CELF2: variants seen among roughly 807,000 people sequenced by gnomAD.
CELF2 encodes the protein CUGBP Elav-like family member 2, also known as CUG triplet repeat RNA-binding protein 2.
CELF2 carries 8 observed loss-of-function variants against 62.6 expected under a neutral mutation model. That is an observed-to-expected ratio of 0.13 (90% CI 0.07 to 0.23). The LOEUF (loss-of-function observed/expected upper bound fraction) is 0.23, where lower values mean the gene tolerates loss of function less well. Among genes scored for constraint, CELF2 ranks in the 10% least tolerant of loss-of-function variants. The probability of loss-of-function intolerance (pLI) is 1.00; values close to 1 mark genes in which losing one functional copy is unlikely to be tolerated. For synonymous variants in CELF2, 258 were observed against 250.0 expected (o/e 1.03, Z -0.30); for missense variants, 333 against 671.0 (o/e 0.50, Z 5.56).
intron 1 of CELF2, among the ~76,000 whole-genome samples, chr10:11,124,839 G>A (rs1750730): frequency 0.27 from 40,645 of 152,076 alleles, 6,542 homozygotes; most frequent in East Asian, 0.71. Flanking sequence ...TATGGCTTAT[G>A]GATAGCATAT....
At chr10:10,848,294 C>T (rs895747834) in intron 1 of CELF2, among the ~76,000 whole-genome samples, 12 of 152,120 alleles carry the variant, frequency 7.9e-5, no homozygotes, top group African/African-American at 2.7e-4. Context: ...AGCTATTTTA[C>T]CCATCTAAAG....
the CELF2 span, among the ~76,000 whole-genome samples, chr10:10,554,354 G>T: frequency 5.1e-4 from 78 of 152,240 alleles, no homozygotes; most frequent in Non-Finnish European, 7.4e-4. Context: ...CTGAGCCTTG[G>T]TGGGTCTTTG....
chr10:10,619,338 G>T, the CELF2 span, among the ~76,000 whole-genome samples: 1 of 152,212 alleles, frequency 6.6e-6, no homozygotes, highest in African/African-American at 2.4e-5. Flanking sequence ...GTAGTAGGTA[G>T]TAGTAGGTAT....
At chr10:10,927,356 A>AAC (rs1564832589) in intron 2 of CELF2, 1 of 150,252 alleles carries the variant, frequency 6.7e-6, no homozygotes, top group Non-Finnish European at 1.5e-5. Flanking sequence ...TAAAAAAAAA[A>AAC]AAAAAAAAAA....
chr10:11,170,625 C>T (rs2068566710), intron 2 of CELF2, among the ~76,000 whole-genome samples: 1 of 151,872 alleles, frequency 6.6e-6, no homozygotes, highest in Non-Finnish European at 1.5e-5. Flanking sequence ...TCTCGGAGGT[C>T]TGAAGTAAGG....
rs1016954311 is a variant in CELF2, at chr10:11,131,007, G to A, written c.75-34479G>A. Among the ~76,000 whole-genome samples the A allele has an allele frequency of 1.7e-4, 26 of 152,328 alleles. 1 individual carries two copies. Among genetic ancestry groups the A allele is most frequent in the African/African-American group, 6.0e-4 (25 of 41,572 alleles). Reference sequence around the variant, plus strand: ...TCCAAGGTGAATCCAGCATCCAACTGTTGTTACATACGTTGTGGTTGTTAA... The same window carrying A: ...TCCAAGGTGAATCCAGCATCCAACTATTGTTACATACGTTGTGGTTGTTAA... On this transcript the variant is annotated intron_variant, in intron 1 of 12. Coordinates refer to ENST00000633077, the MANE Select transcript of CELF2 (RefSeq NM_001326342.2).
chr10:10,693,372 G>GGTGGATAAGCTTTTTGATGT, the CELF2 span, among the ~76,000 whole-genome samples: 2 of 138,150 alleles, frequency 1.4e-5, no homozygotes. Flanking sequence ...ACTTGATCAT[G>GGTGGATAAGCTTTTTGATGT]GTGGATAAGC....
chr10:10,767,326 T>C, the CELF2 span, among the ~76,000 whole-genome samples: 2 of 152,104 alleles, frequency 1.3e-5, no homozygotes, highest in Non-Finnish European at 2.9e-5. Flanking sequence ...CCTGTTCCTG[T>C]GCTTATTTAT....
Position 10,959,189 on chromosome 10 carries a change from A to G in CELF2, c.89+39190A>G, listed in dbSNP as rs1167997105. Among the ~76,000 whole-genome samples, 7 of 152,144 alleles carry G rather than the reference A, an allele frequency of 4.6e-5. No individual in the cohort carries two copies. In the South Asian group the frequency reaches 8.3e-4, roughly 18 times the overall value. On this transcript the variant is annotated intron_variant, in intron 2 of 13. Coordinates refer to the CELF2 transcript ENST00000636488. ...TTAGCTACTCAGGAGGCTGAAGCAG[A>G]AGAATCACTTGAACCTGGGAGGCAG...
chr10:11,047,411 G>A (rs531318556), intron 1 of CELF2, among the ~76,000 whole-genome samples: 115 of 152,268 alleles, frequency 7.6e-4, no homozygotes, highest in African/African-American at 2.7e-3. Context: ...AAATAAACAG[G>A]TATCTTTAAT....
chr10:11,079,229 G>A lies in CELF2; in HGVS notation c.74+61066G>A, dbSNP rs556975484. Reference sequence around the variant, plus strand: ...AATGTATAAATTTCATACGTTTTTTGTACTTACCTGAACTAAAGTCCTCTC... The same window carrying A: ...AATGTATAAATTTCATACGTTTTTTATACTTACCTGAACTAAAGTCCTCTC... On this transcript the variant is annotated intron_variant, in intron 1 of 12. Coordinates refer to ENST00000633077, the MANE Select transcript of CELF2 (RefSeq NM_001326342.2). Among the ~76,000 whole-genome samples the A allele has an allele frequency of 2.6e-5, 4 of 152,170 alleles. No individual in the cohort carries two copies. In the South Asian group the frequency reaches 8.3e-4, roughly 31 times the overall value.
At chr10:10,904,042 G>A in intron 1 of CELF2, among the ~76,000 whole-genome samples, 1 of 152,186 alleles carries the variant, frequency 6.6e-6, no homozygotes, top group East Asian at 1.9e-4. Context: ...AGTCCACTGT[G>A]GATCACGCTG....
Position 11,178,650 on chromosome 10 carries a change from C to T in CELF2, c.271+12968C>T, listed in dbSNP as rs537044322. 6.6e-6 allele frequency among the ~76,000 whole-genome samples: 1 copy of T among 152,242 alleles called. No homozygotes were observed. The highest frequency in any genetic ancestry group is 2.4e-5 in the African/African-American group (1 of 41,552). On this transcript the variant is annotated intron_variant, in intron 2 of 12. Coordinates refer to ENST00000633077, the MANE Select transcript of CELF2 (RefSeq NM_001326342.2). The surrounding 1 kb of genome is among the most constrained non-coding windows in gnomAD (Gnocchi z 4.3). ...AATAAATGTGTGACAGCTTAAGAGG[C>T]GAAAAGAAGAGTCTTCGTCAAATGG...
chr10:10,788,460 T>TA, the CELF2 span, among the ~76,000 whole-genome samples: 1 of 126,774 alleles, frequency 7.9e-6, no homozygotes, highest in Non-Finnish European at 1.7e-5. Flanking sequence ...CATCTTTTTT[T>TA]TTTTTTTTTT....
rs1399943148 is a variant in CELF2, at chr10:11,008,104, C to T, written c.53+2664C>T. Among the ~76,000 whole-genome samples the T allele has an allele frequency of 6.6e-6, 1 of 152,158 alleles. No individual in the cohort carries two copies. On this transcript the variant is annotated intron_variant, in intron 1 of 12. Coordinates refer to the CELF2 transcript ENST00000416382. The surrounding 1 kb of genome is among the most constrained non-coding windows in gnomAD (Gnocchi z 4.5). ...TGGCAAACTTGTCTACATCTATTTC[C>T]ACAACAGGAACAGGATACGTAATCT... is the stretch of plus-strand genomic sequence containing the variant.
intron 1 of CELF2, among the ~76,000 whole-genome samples, chr10:10,910,699 CAAAA>C (rs55954207): frequency 6.4e-4 from 59 of 92,224 alleles, no homozygotes; most frequent in African/African-American, 2.2e-3. Flanking sequence ...GACTCTGCCT[CAAAA>C]AAAAAAAAAA....
intron 8 of CELF2, among the ~76,000 whole-genome samples, chr10:11,284,608 A>G (rs1239396668): frequency 2.7e-5 from 4 of 147,438 alleles, no homozygotes; most frequent in South Asian, 4.4e-4. Flanking sequence ...ATGGATAGAT[A>G]GATGGATGGG....
intron 1 of CELF2, among the ~76,000 whole-genome samples, chr10:11,043,505 G>T (rs772221787): frequency 6.6e-6 from 1 of 152,024 alleles, no homozygotes; most frequent in Non-Finnish European, 1.5e-5. Flanking sequence ...TGAATATCCC[G>T]CTCCTGGCTG....
At chr10:10,633,513 A>G in the CELF2 span, among the ~76,000 whole-genome samples, 1 of 152,138 alleles carries the variant, frequency 6.6e-6, no homozygotes, top group African/African-American at 2.4e-5. Context: ...ATATTGATTT[A>G]TAAAGATTTT....
Sources: allele counts gnomAD v4.1 joint callset (sites outside exome capture counted in the v4.1 genomes callset), GRCh38; gene constraint gnomAD v4.1.1; non-coding constraint Gnocchi (gnomAD v3.1); transcripts MANE v1.5; gene names NCBI Gene and HGNC (gene_info 2026-07-23, HGNC 2026-07-21).